Variants in SNTG1 observed in about 807,000 individuals in gnomAD.
SNTG1 encodes the protein syntrophin gamma 1, also known as gamma-1-syntrophin.
SNTG1 carries 39 observed loss-of-function variants against 74.7 expected under a neutral mutation model. The ratio of observed to expected loss-of-function variants is 0.52; its 90% confidence interval spans 0.40 to 0.68. The LOEUF is 0.68. Among genes scored for constraint, SNTG1 ranks in the 30% least tolerant of loss-of-function variants. The pLI is 0.00. For missense variants in SNTG1, 685 were observed against 609.5 expected, an observed-to-expected ratio of 1.12 and a Z score of -1.30; for synonymous variants, 254 against 217.1, an observed-to-expected ratio of 1.17 and a Z score of -1.49.
rs191998829 is a variant in SNTG1, at chr8:50,437,719, A to G, written c.163-824A>G. Among the ~76,000 whole-genome samples, 66 of 152,316 alleles carry G rather than the reference A, an allele frequency of 4.3e-4. 1 individual carries two copies. Among genetic ancestry groups the G allele is most frequent in the South Asian group, 8.3e-4 (4 of 4,830 alleles). On this transcript the variant is annotated intron_variant, in intron 4 of 18. Coordinates refer to ENST00000642720, the MANE Select transcript of SNTG1 (RefSeq NM_018967.5). ...GGGAATGTTCAAAAAGATTGATGTAATGGAGCAAGCTATAAGTTAAAGCGT... is the reference window on the plus strand; with the variant it reads ...GGGAATGTTCAAAAAGATTGATGTAGTGGAGCAAGCTATAAGTTAAAGCGT...
At chr8:50,594,760 A>C (rs1390052812) in intron 13 of SNTG1, among the ~76,000 whole-genome samples, 1 of 152,220 alleles carries the variant, frequency 6.6e-6, no homozygotes, top group Admixed American at 6.5e-5. Context: ...TAAAAGCAAC[A>C]GAAAAATGGC....
At chr8:50,544,316 G>T (rs1015244070) in intron 11 of SNTG1, among the ~76,000 whole-genome samples, 2 of 151,470 alleles carry the variant, frequency 1.3e-5, no homozygotes, top group African/African-American at 2.4e-5. Flanking sequence ...TCTTATCTTT[G>T]GGCATATTTT....
intron 1 of SNTG1, among the ~76,000 whole-genome samples, chr8:50,010,136 C>A (rs753463265): frequency 3.9e-5 from 6 of 152,112 alleles, no homozygotes; most frequent in Admixed American, 3.9e-4. Flanking sequence ...AACATGTATA[C>A]AATTAAGGAT....
chr8:50,309,927 C>T (rs758117075), intron 2 of SNTG1, among the ~76,000 whole-genome samples: 11 of 152,158 alleles, frequency 7.2e-5, no homozygotes, highest in African/African-American at 9.7e-5. Context: ...AACTGGAAAA[C>T]ATTGTGTTTT....
At chr8:50,224,330 G>A (rs1190422656) in intron 2 of SNTG1, among the ~76,000 whole-genome samples, 3 of 152,032 alleles carry the variant, frequency 2.0e-5, no homozygotes, top group Non-Finnish European at 2.9e-5. Context: ...ACCTAATCAG[G>A]GGACATCCCT....
chr8:50,314,675 A>G (rs2090247208), intron 2 of SNTG1, among the ~76,000 whole-genome samples: 1 of 150,040 alleles, frequency 6.7e-6, no homozygotes, highest in Non-Finnish European at 1.5e-5. Flanking sequence ...GCTCTTCTTT[A>G]TGTTATTTCA....
At chr8:50,637,005 G>T (rs939913527) in intron 13 of SNTG1, among the ~76,000 whole-genome samples, 6 of 151,956 alleles carry the variant, frequency 3.9e-5, no homozygotes, top group Non-Finnish European at 8.8e-5. Flanking sequence ...CATCTTCCAG[G>T]GTCTTTTTGT....
chr8:50,274,331 C>G (rs544892401), intron 2 of SNTG1, among the ~76,000 whole-genome samples: 2 of 152,022 alleles, frequency 1.3e-5, no homozygotes, highest in African/African-American at 2.4e-5. Context: ...AAGTGATCCA[C>G]TCACCTACGC....
At chr8:50,754,485 G>A (rs77942728) in intron 18 of SNTG1, among the ~76,000 whole-genome samples, 4,761 of 151,844 alleles carry the variant, frequency 0.031, 105 homozygotes, top group Middle Eastern at 0.082. Context: ...TGCCATGTAT[G>A]TTATATCCTC....
intron 13 of SNTG1, among the ~76,000 whole-genome samples, chr8:50,627,269 T>C (rs1260141179): frequency 6.6e-6 from 1 of 152,198 alleles, no homozygotes; most frequent in Non-Finnish European, 1.5e-5. Flanking sequence ...GTTTATATTT[T>C]AACAGATAAA....
intron 17 of SNTG1, among the ~76,000 whole-genome samples, chr8:50,733,186 G>A (rs2095517209): frequency 6.6e-6 from 1 of 151,812 alleles, no homozygotes; most frequent in Non-Finnish European, 1.5e-5. Flanking sequence ...TGTGGAATTT[G>A]GTTTTCTGTT....
At chr8:50,764,969 A>T (rs28855797) in intron 18 of SNTG1, among the ~76,000 whole-genome samples, 1 of 151,818 alleles carries the variant, frequency 6.6e-6, no homozygotes, top group Non-Finnish European at 1.5e-5. Context: ...AGGACATTAT[A>T]TCATAGAAGA....
chr8:50,701,621 G>GTTCCTC (rs1585582769), intron 15 of SNTG1, among the ~76,000 whole-genome samples: 1 of 76,376 alleles, frequency 1.3e-5, no homozygotes, highest in East Asian at 4.1e-4. Context: ...TCTTCTTCGT[G>GTTCCTC]TTCCTCTTCC....
chr8:50,700,358 G>C (rs570700216), intron 15 of SNTG1, among the ~76,000 whole-genome samples: 1 of 152,154 alleles, frequency 6.6e-6, no homozygotes, highest in East Asian at 1.9e-4. Flanking sequence ...AAGAAATCTA[G>C]TGTCAATGAT....
At chr8:50,527,013 C>T (rs1387350869) in intron 9 of SNTG1, among the ~76,000 whole-genome samples, 2 of 152,130 alleles carry the variant, frequency 1.3e-5, no homozygotes, top group African/African-American at 4.8e-5. Flanking sequence ...ATATTTGATG[C>T]TCAAATATTT....
chr8:49,976,523 C>G (rs1812208490), intron 1 of SNTG1, among the ~76,000 whole-genome samples: 1 of 152,070 alleles, frequency 6.6e-6, no homozygotes, highest in African/African-American at 2.4e-5. Flanking sequence ...ACAGAAATAG[C>G]CTGTGGAGTG....
At chr8:49,956,947 T>G (rs767360484) in intron 1 of SNTG1, among the ~76,000 whole-genome samples, 2 of 152,186 alleles carry the variant, frequency 1.3e-5, no homozygotes, top group South Asian at 4.1e-4. Flanking sequence ...ATATGTGGAA[T>G]GTAAGAACTC....
chr8:50,346,928 G>C (rs1184595364), intron 2 of SNTG1, among the ~76,000 whole-genome samples: 1 of 152,252 alleles, frequency 6.6e-6, no homozygotes, highest in Non-Finnish European at 1.5e-5. Flanking sequence ...TGGTCATGAG[G>C]TTTAAGGAAA....
chr8:50,451,202 A>C (rs1420997185), intron 8 of SNTG1, among the ~76,000 whole-genome samples: 1 of 152,250 alleles, frequency 6.6e-6, no homozygotes, highest in Non-Finnish European at 1.5e-5. Context: ...TCAATAATAA[A>C]AATAATACAA....
Sources: gnomAD v4.1 joint callset for allele counts (sites outside exome capture counted in the v4.1 genomes callset) on GRCh38, gnomAD v4.1.1 for gene constraint, MANE v1.5 for transcripts, NCBI Gene and HGNC (gene_info 2026-07-23, HGNC 2026-07-21) for gene names.